OR2L13: variants seen among roughly 807,000 people sequenced by gnomAD.
OR2L13 encodes the protein olfactory receptor 2L13.
In OR2L13, 14 loss-of-function variants were observed where a neutral mutation model predicts 15.3. The observed-to-expected ratio is 0.91, with a 90% CI of 0.60 to 1.43. The LOEUF (loss-of-function observed/expected upper bound fraction) is 1.43, where lower values mean the gene tolerates loss of function less well. Among genes scored for constraint, OR2L13 ranks in the 40% most tolerant of loss-of-function variants. OR2L13 has a pLI of 0.00. For missense variants in OR2L13, 367 were observed against 387.9 expected, an observed-to-expected ratio of 0.95 and a Z score of 0.45; for synonymous variants, 152 against 142.9, an observed-to-expected ratio of 1.06 and a Z score of -0.45.
chr1:248,083,825 A>G, the OR2L13 span: 1 of 1,613,534 alleles, frequency 6.2e-7, no homozygotes, highest in Non-Finnish European at 8.5e-7. Context: ...TGGGTCTCAT[A>G]TAGGTAAAAA....
chr1:248,072,782 A>C, the OR2L13 span, among the ~76,000 whole-genome samples: 1 of 150,956 alleles, frequency 6.6e-6, no homozygotes, highest in Non-Finnish European at 1.5e-5. Flanking sequence ...ATTTACAAGA[A>C]AAAAAAAACA....
At chr1:248,043,409 A>G in the OR2L13 span, among the ~76,000 whole-genome samples, 1 of 152,196 alleles carries the variant, frequency 6.6e-6, no homozygotes, top group Non-Finnish European at 1.5e-5. Context: ...ACATGGGCCG[A>G]TATGAAGGAG....
chr1:248,078,487 C>A, the OR2L13 span, among the ~76,000 whole-genome samples: 6 of 149,772 alleles, frequency 4.0e-5, no homozygotes, highest in Admixed American at 4.0e-4. Context: ...CACACACATA[C>A]ACACACACAC....
the OR2L13 span, among the ~76,000 whole-genome samples, chr1:248,078,478 A>G: frequency 1.3e-5 from 2 of 152,006 alleles, no homozygotes; most frequent in African/African-American, 4.8e-5. Context: ...TCACACACAC[A>G]CACACATACA....
chr1:247,984,632 T>C, the OR2L13 span, among the ~76,000 whole-genome samples: 1 of 152,208 alleles, frequency 6.6e-6, no homozygotes, highest in South Asian at 2.1e-4. Context: ...ATTTGCTCTG[T>C]AGAGGCTGAG....
the OR2L13 span, among the ~76,000 whole-genome samples, chr1:248,078,627 G>T: frequency 6.6e-6 from 1 of 152,068 alleles, no homozygotes; most frequent in South Asian, 2.1e-4. Flanking sequence ...CGTTATCCTA[G>T]AGAAATAAAA....
At chr1:247,993,129 T>C in the OR2L13 span, among the ~76,000 whole-genome samples, 5 of 152,184 alleles carry the variant, frequency 3.3e-5, no homozygotes, top group Non-Finnish European at 5.9e-5. Context: ...TGATTGGTGA[T>C]GCTGAGTAAT....
At chr1:248,093,384 C>T (rs1664644973), upstream of OR2L13, among the ~76,000 whole-genome samples, 1 of 152,180 alleles carries the variant, frequency 6.6e-6, no homozygotes, top group Non-Finnish European at 1.5e-5. Flanking sequence ...CGTTTCATTG[C>T]TGTGTATGGA....
the OR2L13 span, among the ~76,000 whole-genome samples, chr1:247,981,739 A>G: frequency 6.6e-6 from 1 of 152,196 alleles, no homozygotes; most frequent in Non-Finnish European, 1.5e-5. Flanking sequence ...AAAGATGCTT[A>G]AACTTGCAGC....
intron 1 of OR2L13, among the ~76,000 whole-genome samples, chr1:248,097,751 C>G (rs1294453513): frequency 6.6e-6 from 1 of 152,210 alleles, no homozygotes; most frequent in African/African-American, 2.4e-5. Context: ...ATGCTGGCAG[C>G]TTTCTTCCCC....
At chr1:247,991,237 A>T in the OR2L13 span, 3 of 1,409,260 alleles carry the variant, frequency 2.1e-6, no homozygotes, top group South Asian at 1.2e-5. Context: ...TCAAAGCGCT[A>T]GGTTCATATC....
chr1:247,954,910 AAAT>A, the OR2L13 span, among the ~76,000 whole-genome samples: 2 of 151,846 alleles, frequency 1.3e-5, no homozygotes, highest in Non-Finnish European at 2.9e-5. Context: ...ATGTTGCACT[AAAT>A]AACCTGAAAT....
rs577128727 is a variant in OR2L13 at position 248,099,514 on chromosome 1, C to G, written c.139C>G (p.Leu47Val). 13 of 1,613,860 alleles carry G rather than the reference C, an allele frequency of 8.1e-6. No individual in the cohort carries two copies. The Admixed American group carries it at 1.5e-4, about 19-fold the overall frequency. ...GGTGGGTAACTCGGCCATGATTCAC[C>G]TCATCCACGTGGATCCTCGTCTCCA... is the stretch of plus-strand genomic sequence containing the variant. Residue 47 changes from leucine (L) to valine (V), a missense_variant, in exon 3 of 3, where the codon CTC becomes GTC. Leu to Val is a conservative substitution (Grantham distance 32). Coordinates refer to ENST00000641714, the Ensembl canonical transcript of OR2L13.
At chr1:248,047,847 C>T in the OR2L13 span, among the ~76,000 whole-genome samples, 1 of 152,162 alleles carries the variant, frequency 6.6e-6, no homozygotes, top group African/African-American at 2.4e-5. Flanking sequence ...CTGAAACTTG[C>T]AGGTTCTCTT....
At chr1:247,950,961 C>T in the OR2L13 span, among the ~76,000 whole-genome samples, 1 of 152,052 alleles carries the variant, frequency 6.6e-6, no homozygotes, top group African/African-American at 2.4e-5. Flanking sequence ...ATTTGGGGTG[C>T]TGGTTATCCC....
chr1:248,003,619 C>T, the OR2L13 span: 5 of 1,611,406 alleles, frequency 3.1e-6, no homozygotes, highest in Admixed American at 1.7e-5. Flanking sequence ...TATATATACT[C>T]CATATTCCTT....
the OR2L13 span, among the ~76,000 whole-genome samples, chr1:248,070,290 G>T: frequency 6.6e-6 from 1 of 152,034 alleles, no homozygotes; most frequent in Non-Finnish European, 1.5e-5. Context: ...AGACCACAGT[G>T]CAATCAAACT....
chr1:248,003,616 A>G, the OR2L13 span: 1 of 1,610,970 alleles, frequency 6.2e-7, no homozygotes, highest in Non-Finnish European at 8.5e-7. Flanking sequence ...CTGTATATAT[A>G]CTCCATATTC....
the OR2L13 span, chr1:248,061,437 A>G: frequency 1.1e-3 from 1,729 of 1,611,676 alleles, 35 homozygotes; most frequent in African/African-American, 0.021. Flanking sequence ...TCTACTATGC[A>G]CCTTTTGTCT....
Sources: gnomAD v4.1 joint callset for allele counts (sites outside exome capture counted in the v4.1 genomes callset) on GRCh38, gnomAD v4.1.1 for gene constraint, MANE v1.5 for transcripts, NCBI Gene and HGNC (gene_info 2026-07-23, HGNC 2026-07-21) for gene names.